The following AFF2 variants were observed in gnomAD, a reference collection of about 807,000 sequenced individuals.
AFF2 encodes the protein ALF transcription elongation factor 2.
AFF2 carries 14 observed loss-of-function variants against 76.9 expected under a neutral mutation model. The observed-to-expected ratio is 0.18, with a 90% CI of 0.12 to 0.28. The LOEUF is 0.28. Among genes scored for constraint, AFF2 ranks in the 10% least tolerant of loss-of-function variants. The pLI is 1.00. For synonymous variants in AFF2, 398 were observed against 366.7 expected, an observed-to-expected ratio of 1.09 and a Z score of -0.98; for missense variants, 868 against 1,001.1, an observed-to-expected ratio of 0.87 and a Z score of 1.79.
chrX:148,544,966 C>A (rs2052902787), intron 1 of AFF2, among the ~76,000 whole-genome samples: 1 of 112,471 alleles, frequency 8.9e-6, no homozygotes, highest in Non-Finnish European at 1.9e-5. Flanking sequence ...TATTTCCCTC[C>A]TTCCATCAAC....
In AFF2 at chrX:148,885,483, A is replaced by G. The variant is rs545610378; in HGVS notation, c.1263-406A>G. ...CCAGCAGGCTTTGACAACAGCCTCCAGAGCTAGGGATGGTTATCATGCCCC... is the reference window on the plus strand; with the variant it reads ...CCAGCAGGCTTTGACAACAGCCTCCGGAGCTAGGGATGGTTATCATGCCCC... On this transcript the variant is annotated intron_variant, in intron 7 of 20. Coordinates refer to ENST00000370460, the MANE Select transcript of AFF2 (RefSeq NM_002025.4). 1.5e-4 allele frequency among the ~76,000 whole-genome samples: 17 copies of G among 111,338 alleles called. No individual in the cohort carries two copies. The South Asian group carries it at 6.5e-3, about 43-fold the overall frequency.
rs1569551684 is a variant in AFF2 at position 148,581,576 on chromosome X, ATACGTGTACACACATATATACGTATACG to A, written c.48-70421_48-70394del. ...TGTACACACATATATACGTATACGT[ATACGTGTACACACATATATACGTATACG>A]TGTACACACATATATACGTATACGT... On this transcript the variant is annotated intron_variant, in intron 1 of 20. Coordinates refer to ENST00000370460, the MANE Select transcript of AFF2 (RefSeq NM_002025.4). 1.6e-3 allele frequency among the ~76,000 whole-genome samples: 56 copies of A among 34,498 alleles called. 4 individuals carry two copies. The highest frequency in any genetic ancestry group is 6.3e-3 in the African/African-American group (48 of 7,656). The allele number at this position is 34,498 out of a possible 115,157, so 30.0% of individuals were successfully genotyped here.
At chrX:148,985,533 T>G (rs1284093563) in intron 19 of AFF2, among the ~76,000 whole-genome samples, 3 of 109,653 alleles carry the variant, frequency 2.7e-5, no homozygotes, top group Admixed American at 9.8e-5. Context: ...GACGAGAAAG[T>G]CTTTCTTTCT....
chrX:148,871,435 T>G (rs1249583779), intron 7 of AFF2, among the ~76,000 whole-genome samples: 7 of 111,356 alleles, frequency 6.3e-5, no homozygotes, highest in African/African-American at 2.3e-4. Context: ...ATGGACACAT[T>G]TTTCTTCTGT....
At chrX:148,760,066 T>C (rs2124585250) in intron 3 of AFF2, among the ~76,000 whole-genome samples, 1 of 112,475 alleles carries the variant, frequency 8.9e-6, no homozygotes, top group African/African-American at 3.2e-5. Flanking sequence ...CCAAAAGCCA[T>C]TTTGACTCTT....
chrX:148,838,759 T>C (rs7884526), intron 5 of AFF2, among the ~76,000 whole-genome samples: 2,025 of 111,724 alleles, frequency 0.018, 44 homozygotes, highest in African/African-American at 0.064. Context: ...ACGCCTTGGA[T>C]ACCACCTCAA....
chrX:148,645,528 C>T (rs1557255239), intron 1 of AFF2, among the ~76,000 whole-genome samples: 2 of 111,851 alleles, frequency 1.8e-5, no homozygotes, highest in Non-Finnish European at 3.8e-5. Flanking sequence ...GAATCTGTTT[C>T]TTTGACTGGC....
At chrX:148,643,570 A>G (rs928186382) in intron 1 of AFF2, among the ~76,000 whole-genome samples, 18 of 112,262 alleles carry the variant, frequency 1.6e-4, no homozygotes, top group African/African-American at 5.5e-4. Context: ...ATAAAAATGG[A>G]AATCAGACAT....
intron 3 of AFF2, among the ~76,000 whole-genome samples, chrX:148,711,424 A>G (rs1486532093): frequency 2.7e-5 from 3 of 112,082 alleles, no homozygotes; most frequent in Non-Finnish European, 5.6e-5. Context: ...ATCGTATTTG[A>G]TGTTACTAAT....
rs991104589 is a variant in AFF2, at chrX:148,999,465, G to A, written c.*8133G>A. ...TAGAAAATATTTATTGAGTAACTGG[G>A]ACACAAATGGGAATTTAATTGTCAT... On this transcript the variant is annotated 3_prime_UTR_variant, in exon 21 of 21. Transcript: ENST00000370460. 2.7e-5 allele frequency: 3 copies of A among 112,437 alleles called. No homozygotes were observed. The highest frequency in any genetic ancestry group is 9.7e-5 in the African/African-American group (3 of 30,910). The allele number at this position is 112,437 out of a possible 1,213,427, so 9.3% of individuals were successfully genotyped here. A position where few individuals can be genotyped will look rare whatever the true frequency, so the allele number is the denominator to read the frequency against.
chrX:148,640,001 T>C (rs2054071473), intron 1 of AFF2, among the ~76,000 whole-genome samples: 1 of 112,564 alleles, frequency 8.9e-6, no homozygotes, highest in Admixed American at 9.4e-5. Context: ...GTTTTGTTTA[T>C]GAAATATTAA....
chrX:148,909,184 C>T (rs961317758), intron 9 of AFF2, among the ~76,000 whole-genome samples: 24 of 112,153 alleles, frequency 2.1e-4, no homozygotes, highest in African/African-American at 4.9e-4. Context: ...CAGATTCGCT[C>T]TTCACTCACT....
intron 4 of AFF2, among the ~76,000 whole-genome samples, chrX:148,816,336 T>C (rs1474245861): frequency 9.0e-6 from 1 of 111,681 alleles, no homozygotes; most frequent in Non-Finnish European, 1.9e-5. Context: ...GGCTTGTCCC[T>C]TCTCTCGTTT....
chrX:148,791,069 T>C (rs1482595195), intron 3 of AFF2, among the ~76,000 whole-genome samples: 3 of 112,036 alleles, frequency 2.7e-5, no homozygotes, highest in African/African-American at 9.7e-5. Context: ...CATTTTACCA[T>C]TAAATTGTCA....
intron 3 of AFF2, among the ~76,000 whole-genome samples, chrX:148,663,553 G>A (rs1490096214): frequency 8.9e-6 from 1 of 112,439 alleles, no homozygotes; most frequent in Non-Finnish European, 1.9e-5. Flanking sequence ...TCCAGGCCTT[G>A]TGGCCCCTGG....
chrX:148,566,937 A>C (rs948944108), intron 1 of AFF2, among the ~76,000 whole-genome samples: 15 of 111,627 alleles, frequency 1.3e-4, no homozygotes, highest in African/African-American at 4.9e-4. Context: ...TTTTTGCTTC[A>C]TAGTATTTCT....
At position 148,848,673 on chromosome X, in the gene AFF2, A is replaced by T. The variant is rs1557274990; in HGVS notation, c.1262+5240A>T. Among the ~76,000 whole-genome samples the T allele has an allele frequency of 1.8e-5, 2 of 112,663 alleles. 1 individual carries two copies. Among genetic ancestry groups the T allele is most frequent in the East Asian group, 5.6e-4 (2 of 3,579 alleles). ...TTAATCAGATTAATTCTTAATCAGA[A>T]TACATGATTTGGTACTTGGAATTTA... On this transcript the variant is annotated intron_variant, in intron 7 of 20. Coordinates refer to ENST00000370460, the MANE Select transcript of AFF2 (RefSeq NM_002025.4).
At chrX:148,924,336 G>C (rs1270336840) in intron 9 of AFF2, among the ~76,000 whole-genome samples, 1 of 111,938 alleles carries the variant, frequency 8.9e-6, no homozygotes, top group Non-Finnish European at 1.9e-5. Context: ...TCATGTATAT[G>C]CATGGGTGTG....
intron 1 of AFF2, among the ~76,000 whole-genome samples, chrX:148,643,774 G>C (rs782620056): frequency 9.0e-6 from 1 of 111,518 alleles, no homozygotes; most frequent in Non-Finnish European, 1.9e-5. Context: ...CTGCTTGGGG[G>C]AGAAGCGAAG....
Sources: allele counts gnomAD v4.1 joint callset (sites outside exome capture counted in the v4.1 genomes callset), GRCh38; gene constraint gnomAD v4.1.1; transcripts MANE v1.5; gene names NCBI Gene and HGNC (gene_info 2026-07-23, HGNC 2026-07-21).